CNR2: variants seen among roughly 807,000 people sequenced by gnomAD.
The protein encoded by CNR2 is cannabinoid receptor 2 (macrophage).
For missense variants in CNR2, 379 were observed against 439.9 expected (o/e 0.86, Z 1.24); for synonymous variants, 172 against 182.2 (o/e 0.94, Z 0.45).
chr1:23,891,435 A>G (rs560636688), intron 1 of CNR2, among the ~76,000 whole-genome samples: 34 of 151,930 alleles, frequency 2.2e-4, no homozygotes, highest in African/African-American at 7.7e-4. Flanking sequence ...CCTGGCCAAC[A>G]TGGTGAAACC....
chr1:23,891,018 A>T (rs1033675660), intron 1 of CNR2, among the ~76,000 whole-genome samples: 7 of 151,624 alleles, frequency 4.6e-5, no homozygotes, highest in Middle Eastern at 3.4e-3. Flanking sequence ...AGCTGGGATT[A>T]TAGGCGTGAG....
intron 1 of CNR2, chr1:23,901,709 G>C (rs1247231089): frequency 6.4e-6 from 9 of 1,417,308 alleles, no homozygotes; most frequent in Middle Eastern, 1.7e-4. Flanking sequence ...GGATCTGTCC[G>C]ACATGAATTT....
chr1:23,884,369 G>A (rs373820933), intron 1 of CNR2, among the ~76,000 whole-genome samples: 21 of 146,946 alleles, frequency 1.4e-4, no homozygotes, highest in East Asian at 1.0e-3. Context: ...GTAGTGGCGC[G>A]ATCTCGGCTC....
rs1177342487 is a variant in CNR2 at position 23,874,829 on chromosome 1, G to A, written c.789C>T (p.Ala263=). ...TAGTGGCCAGGCTGTGGGCCATGAG[G>A]GCCAGCACTGGGAACCAACAGATGA... ...VLLICWFPVL[A]LMAHSLATTL... The change falls in exon 2 of 2, where the codon GCC becomes GCT. Residue 263 remains alanine, a synonymous_variant. Transcript: ENST00000374472. 1 of 1,614,170 alleles carries A rather than the reference G, an allele frequency of 6.2e-7. No homozygotes were observed. The highest frequency in any genetic ancestry group is 1.1e-5 in the South Asian group (1 of 91,086).
chr1:23,902,506 C>T (rs1429466774), intron 1 of CNR2: 2 of 1,607,624 alleles, frequency 1.2e-6, no homozygotes, highest in Non-Finnish European at 1.7e-6. Context: ...TCACTGTACA[C>T]GTACTTTAAT....
chr1:23,899,140 C>T (rs2501407), intron 1 of CNR2, among the ~76,000 whole-genome samples: 150,972 of 152,244 alleles, frequency 0.99, 74,869 homozygotes, highest in East Asian at 1. Context: ...TGGAGATAGA[C>T]TGTCTCATTT....
intron 1 of CNR2, among the ~76,000 whole-genome samples, chr1:23,910,114 A>T (rs1233648070): frequency 8.0e-6 from 1 of 125,242 alleles, no homozygotes; most frequent in Admixed American, 1.1e-4. Flanking sequence ...ATGCCTGGCT[A>T]ATTTTTAATT....
At position 23,874,488 on chromosome 1, in the gene CNR2, G is replaced by A. The variant is rs760468108; in HGVS notation, c.*47C>T. 4.5e-6 allele frequency: 7 copies of A among 1,569,236 alleles called. No individual in the cohort carries two copies. Among genetic ancestry groups the A allele is most frequent in the East Asian group, 2.2e-5 (1 of 44,582 alleles). Reference sequence around the variant, plus strand: ...AAGACCCCTCTCTCTCTTCCAGGGAGTGAACTGATTTCTGACTTGAGTTGT... The same window carrying A: ...AAGACCCCTCTCTCTCTTCCAGGGAATGAACTGATTTCTGACTTGAGTTGT... On this transcript the variant is annotated 3_prime_UTR_variant, in exon 2 of 2. Transcript: ENST00000374472.
At chr1:23,909,504 AG>A (rs1253560664) in intron 1 of CNR2, among the ~76,000 whole-genome samples, 1 of 152,070 alleles carries the variant, frequency 6.6e-6, no homozygotes, top group African/African-American at 2.4e-5. Flanking sequence ...TACAGGACCG[AG>A]GTGAGGATTA....
In CNR2 at chr1:23,891,581, T is replaced by G. The variant is rs1324691372; in HGVS notation, c.-45-15919A>C. Among the ~76,000 whole-genome samples, 4 of 138,964 alleles carry G rather than the reference T, an allele frequency of 2.9e-5. No individual in the cohort carries two copies. The East Asian group carries it at 6.5e-4, about 22-fold the overall frequency. 91.2% of individuals were successfully genotyped at this position (138,964 alleles called of 152,430 possible). A position where few individuals can be genotyped will look rare whatever the true frequency, so the allele number is the denominator to read the frequency against. On this transcript the variant is annotated intron_variant, in intron 1 of 1. Transcript: ENST00000374472. ...TTGCAGTGAGCCGAGATCATGCCAT[T>G]GCACTCCAGCCTGGGCAACAAGAGC... is the stretch of plus-strand genomic sequence containing the variant.
At position 23,910,153 on chromosome 1, in the gene CNR2, G is replaced by T. The variant is rs183797810; in HGVS notation, c.-46+3093C>A. 3.7e-3 allele frequency among the ~76,000 whole-genome samples: 536 copies of T among 145,696 alleles called. 3 individuals carry two copies. The highest frequency in any genetic ancestry group is 0.013 in the African/African-American group (513 of 39,260). On this transcript the variant is annotated intron_variant, in intron 1 of 1. Coordinates refer to ENST00000374472, the MANE Select transcript of CNR2 (RefSeq NM_001841.3). ...TTTTTTTTTTTTTTGTAGAGATAGG[G>T]TCTCACTATGTTTCCTAGACTGGTC...
chr1:23,878,249 A>T (rs1639923254), intron 1 of CNR2, among the ~76,000 whole-genome samples: 1 of 151,986 alleles, frequency 6.6e-6, no homozygotes, highest in African/African-American at 2.4e-5. Flanking sequence ...CTATTGTCTC[A>T]GCTACTTGGG....
intron 1 of CNR2, among the ~76,000 whole-genome samples, chr1:23,890,189 G>T (rs1248355009): frequency 2.7e-5 from 4 of 147,826 alleles, no homozygotes; most frequent in African/African-American, 9.9e-5. Flanking sequence ...AGCCCAGGAA[G>T]TCACGGCTGC....
chr1:23,885,719 A>G (rs1381590551), intron 1 of CNR2, among the ~76,000 whole-genome samples: 1 of 151,846 alleles, frequency 6.6e-6, no homozygotes, highest in Non-Finnish European at 1.5e-5. Context: ...CTCTACTAAA[A>G]CTACAAAAAT....
chr1:23,881,051 A>G (rs9699877), intron 1 of CNR2, among the ~76,000 whole-genome samples: 130,922 of 151,046 alleles, frequency 0.87, 57,091 homozygotes, highest in Middle Eastern at 0.92. Flanking sequence ...CAAGGCGGGC[A>G]GATCACCTGA....
rs900368894 is a variant in CNR2 at position 23,875,560 on chromosome 1, T to C, written c.58A>G (p.Asn20Asp). Residue 20 changes from asparagine to aspartate, a missense_variant, in exon 2 of 2, where the codon AAC (asparagine) becomes GAC (aspartate). Transcript: ENST00000374472. ...ANGSKDGLDS[N>D]PMKDYMILSG... The stretch of plus-strand genomic sequence containing the variant: ...AGGATCATGTAATCCTTCATAGGGT[T>C]GGAATCCAAGCCATCCTTGGAGCCA... 6.2e-7 allele frequency: 1 copy of C among 1,613,512 alleles called. No individual in the cohort carries two copies. The highest frequency in any genetic ancestry group is 8.5e-7 in the Non-Finnish European group (1 of 1,179,614).
intron 1 of CNR2, among the ~76,000 whole-genome samples, chr1:23,908,772 T>C (rs1324067135): frequency 6.6e-6 from 1 of 152,056 alleles, no homozygotes; most frequent in Non-Finnish European, 1.5e-5. Context: ...CTCCATCAGA[T>C]TTTCCAGGAC....
intron 1 of CNR2, among the ~76,000 whole-genome samples, chr1:23,879,039 T>C (rs911092686): frequency 5.9e-5 from 9 of 152,154 alleles, no homozygotes; most frequent in African/African-American, 2.2e-4. Flanking sequence ...GAAAGAATAG[T>C]GAGCAAGTAA....
intron 1 of CNR2, among the ~76,000 whole-genome samples, chr1:23,908,228 C>G (rs1640530818): frequency 6.6e-6 from 1 of 152,094 alleles, no homozygotes; most frequent in Admixed American, 6.6e-5. Context: ...ATCTGCCCAC[C>G]TGGGCCTCCC....
Sources: allele counts gnomAD v4.1 joint callset (sites outside exome capture counted in the v4.1 genomes callset), GRCh38; gene constraint gnomAD v4.1.1; transcripts MANE v1.5; gene names NCBI Gene and HGNC (gene_info 2026-07-23, HGNC 2026-07-21).